The following TNFAIP8 variants were observed in gnomAD, a reference collection of about 807,000 sequenced individuals.
TNFAIP8 encodes the protein tumor necrosis factor alpha-induced protein 8.
In TNFAIP8, 7 loss-of-function variants were observed where a neutral mutation model predicts 13.3. The ratio of observed to expected loss-of-function variants is 0.52; its 90% confidence interval spans 0.30 to 0.99. The LOEUF (loss-of-function observed/expected upper bound fraction) is 0.99, where lower values mean the gene tolerates loss of function less well. TNFAIP8 is among the 50% of genes least tolerant of loss of function. TNFAIP8 has a pLI of 0.07. For synonymous variants in TNFAIP8, 94 were observed against 87.6 expected, an observed-to-expected ratio of 1.07 and a Z score of -0.41; for missense variants, 258 against 236.9, an observed-to-expected ratio of 1.09 and a Z score of -0.58.
rs1441925254 is a variant in TNFAIP8 at position 119,393,670 on chromosome 5, AC to A, written c.*291del. The A allele has an allele frequency of 3.2e-6, 1 of 316,130 alleles. No individual in the cohort carries two copies. Among genetic ancestry groups the A allele is most frequent in the Non-Finnish European group, 5.9e-6 (1 of 169,182 alleles). The allele number at this position is 316,130 out of a possible 1,614,324, so 19.6% of individuals were successfully genotyped here. A position where few individuals can be genotyped will look rare whatever the true frequency, so the allele number is the denominator to read the frequency against. On this transcript the variant is annotated 3_prime_UTR_variant, in exon 2 of 2. Transcript: ENST00000504771. ...CAAAGAAAAATACAGATGTCTCCAGACCTGAGGACTTTTTAATAGGGCAGTT... is the reference window on the plus strand; with the variant it reads ...CAAAGAAAAATACAGATGTCTCCAGACTGAGGACTTTTTAATAGGGCAGTT...
chr5:119,372,895 A>G (rs1346229662), intron 1 of TNFAIP8, among the ~76,000 whole-genome samples: 1 of 152,196 alleles, frequency 6.6e-6, no homozygotes, highest in African/African-American at 2.4e-5. Context: ...TGGGAGGCAG[A>G]GGTTTCAGTG....
chr5:119,275,828 T>TTC (rs1554167094), intron 1 of TNFAIP8, among the ~76,000 whole-genome samples: 3 of 152,074 alleles, frequency 2.0e-5, no homozygotes, highest in Admixed American at 6.6e-5. Flanking sequence ...GCTTTTTTTT[T>TTC]CCCCTCTAGA....
chr5:119,390,927 T>A (rs760063533), intron 1 of TNFAIP8, among the ~76,000 whole-genome samples: 14 of 151,466 alleles, frequency 9.2e-5, no homozygotes, highest in Non-Finnish European at 1.9e-4. Flanking sequence ...CAGATTATTC[T>A]CCCACCTCCA....
chr5:119,333,183 A>G (rs1750437978), intron 1 of TNFAIP8: 2 of 990,512 alleles, frequency 2.0e-6, no homozygotes, highest in Non-Finnish European at 2.4e-6. Context: ...TTGATTTTGA[A>G]TATACTCCTG....
chr5:119,353,101 A>C (rs967045924), upstream of TNFAIP8, among the ~76,000 whole-genome samples: 12 of 152,202 alleles, frequency 7.9e-5, no homozygotes, highest in Non-Finnish European at 1.5e-4. Flanking sequence ...ACTTAGTTGC[A>C]ATTTTGTATC....
intron 1 of TNFAIP8, among the ~76,000 whole-genome samples, chr5:119,309,521 G>A (rs1235389049): frequency 3.3e-5 from 5 of 152,150 alleles, no homozygotes; most frequent in African/African-American, 1.2e-4. Context: ...CCTTTCAACA[G>A]TTGTTTAAAT....
At chr5:119,270,220 C>A (rs1464509480) in intron 1 of TNFAIP8, among the ~76,000 whole-genome samples, 1 of 152,160 alleles carries the variant, frequency 6.6e-6, no homozygotes, top group Non-Finnish European at 1.5e-5. Context: ...TTATCGCAGC[C>A]GATATTTTTA....
At chr5:119,268,919 C>T (rs1748175293) in intron 1 of TNFAIP8, 1 of 699,388 alleles carries the variant, frequency 1.4e-6, no homozygotes, top group Admixed American at 2.0e-5. Flanking sequence ...TAAGTGGCTC[C>T]TGGGCGCGCC....
At chr5:119,298,929 A>G (rs952106309) in intron 1 of TNFAIP8, among the ~76,000 whole-genome samples, 1 of 152,110 alleles carries the variant, frequency 6.6e-6, no homozygotes, top group African/African-American at 2.4e-5. Context: ...TTCTTCATGT[A>G]GTTCTCAAGC....
At chr5:119,345,843 T>C (rs946854075) in intron 1 of TNFAIP8, among the ~76,000 whole-genome samples, 6 of 152,162 alleles carry the variant, frequency 3.9e-5, no homozygotes, top group African/African-American at 1.4e-4. Flanking sequence ...ATATTTAAAA[T>C]TATTAAGATG....
rs10714712 is a variant in TNFAIP8, at chr5:119,364,841, GTTTTTTTTTTTTTTTTT to G, written c.31+8732_31+8748del. Among the ~76,000 whole-genome samples the G allele has an allele frequency of 9.0e-5, 8 of 88,700 alleles. No homozygotes were observed. In the East Asian group the frequency reaches 1.7e-3, roughly 19 times the overall value. 58.2% of individuals were successfully genotyped at this position (88,700 alleles called of 152,430 possible). A position where few individuals can be genotyped will look rare whatever the true frequency, so the allele number is the denominator to read the frequency against. On this transcript the variant is annotated intron_variant, in intron 1 of 1. Transcript: ENST00000504771. ...GGTTTTTTCCCCTTTTTTCTTTTCA[GTTTTTTTTTTTTTTTTT>G]TTTTTTTTTTTGAGATGGAGTCTTG...
rs556520907 is a variant in TNFAIP8 at position 119,314,148 on chromosome 5, A to G, written c.1+45241A>G. Among the ~76,000 whole-genome samples the G allele has an allele frequency of 1.4e-4, 21 of 150,698 alleles. 1 individual carries two copies. The highest frequency in any genetic ancestry group is 4.9e-4 in the African/African-American group (20 of 40,914). ...CAGGAATTCGCATCTAGCCTAGGCA[A>G]TATAGCGAGATGCTGTCTCTAAAAA... On this transcript the variant is annotated intron_variant, in intron 1 of 1. Coordinates refer to the TNFAIP8 transcript ENST00000274456.
At chr5:119,363,818 G>C (rs1412173109) in intron 1 of TNFAIP8, among the ~76,000 whole-genome samples, 2 of 152,186 alleles carry the variant, frequency 1.3e-5, no homozygotes, top group Middle Eastern at 3.2e-3. Context: ...CCTCCAACTT[G>C]AGACAGCAAT....
At chr5:119,272,283 A>G (rs983154001) in intron 1 of TNFAIP8, among the ~76,000 whole-genome samples, 8 of 152,194 alleles carry the variant, frequency 5.3e-5, no homozygotes, top group African/African-American at 1.7e-4. Flanking sequence ...GGAGAGCACC[A>G]TTCATTCACA....
Position 119,392,883 on chromosome 5 carries a change from G to C in TNFAIP8, c.99G>C (p.Met33Ile). The C allele has an allele frequency of 6.3e-7, 1 of 1,579,110 alleles. No individual in the cohort carries two copies. The highest frequency in any genetic ancestry group is 8.6e-7 in the Non-Finnish European group (1 of 1,162,552). Residue 33 changes from methionine (M) to isoleucine (I), a missense_variant, in exon 2 of 2, where the codon ATG becomes ATC. Transcript: ENST00000504771. ...VQAQKKILGK[M>I]VSKSIATTLI... ...CACAAAAGAAGATCTTGGGTAAAATGGTGTCCAAATCCATCGCCACCACCT... is the reference window on the plus strand; with the variant it reads ...CACAAAAGAAGATCTTGGGTAAAATCGTGTCCAAATCCATCGCCACCACCT...
chr5:119,278,801 G>A (rs1748544638), intron 1 of TNFAIP8, among the ~76,000 whole-genome samples: 1 of 152,166 alleles, frequency 6.6e-6, no homozygotes, highest in Non-Finnish European at 1.5e-5. Flanking sequence ...TAATAATATG[G>A]AAGGTGTTGA....
chr5:119,324,063 A>T (rs1331679392), intron 1 of TNFAIP8, among the ~76,000 whole-genome samples: 2 of 151,716 alleles, frequency 1.3e-5, no homozygotes, highest in African/African-American at 4.8e-5. Context: ...AATAGAGAAT[A>T]TTTTTTTCCT....
chr5:119,306,028 C>T (rs527427085), intron 1 of TNFAIP8, among the ~76,000 whole-genome samples: 5 of 152,306 alleles, frequency 3.3e-5, no homozygotes, highest in African/African-American at 4.8e-5. Context: ...ACCCCGCTGC[C>T]CACCACCTCC....
rs1267432445 is a variant in TNFAIP8, at chr5:119,393,104, A to G, written c.320A>G (p.His107Arg). 6.2e-7 allele frequency: 1 copy of G among 1,614,032 alleles called. No homozygotes were observed. The highest frequency in any genetic ancestry group is 1.7e-5 in the Admixed American group (1 of 60,012). Residue 107 changes from histidine to arginine, a missense_variant, in exon 2 of 2, where the codon CAT becomes CGT. Transcript: ENST00000504771. ...ATGGAGAAATTTAAGAAGAAAGTTC[A>G]TCAGCTTGCTATGACCGTGGTCAGT... is the stretch of plus-strand genomic sequence containing the variant. ...ALMEKFKKKV[H>R]QLAMTVVSFH...
Sources: gnomAD v4.1 joint callset for allele counts (sites outside exome capture counted in the v4.1 genomes callset) on GRCh38, gnomAD v4.1.1 for gene constraint, MANE v1.5 for transcripts, NCBI Gene and HGNC (gene_info 2026-07-23, HGNC 2026-07-21) for gene names.